Variants in HDX observed in about 807,000 individuals in gnomAD.
HDX encodes the protein highly divergent homeobox, also known as chromosome X open reading frame 43.
In HDX, 19 loss-of-function variants were observed where a neutral mutation model predicts 45.2. That is an observed-to-expected ratio of 0.42 (90% CI 0.29 to 0.62). The LOEUF is 0.62. HDX is among the 20% of genes least tolerant of loss of function. The pLI is 0.20. For synonymous variants in HDX, 188 were observed against 172.8 expected, an observed-to-expected ratio of 1.09 and a Z score of -0.69; for missense variants, 532 against 493.9, an observed-to-expected ratio of 1.08 and a Z score of -0.73.
intron 7 of HDX, 115 bp from the exon 8 acceptor site, chrX:84,336,995 C>T (rs2036978743): frequency 4.1e-6 from 2 of 487,151 alleles, no homozygotes; most frequent in Non-Finnish European, 6.7e-6. Context: ...ATGGCAAATT[C>T]ATTTCACACG....
intron 5 of HDX, among the ~76,000 whole-genome samples, chrX:84,423,403 A>T (rs1475745403): frequency 4.6e-5 from 5 of 109,380 alleles, no homozygotes; most frequent in African/African-American, 1.7e-4. Context: ...CTATTCCAAG[A>T]AATACAGAAA....
intron 6 of HDX, among the ~76,000 whole-genome samples, chrX:84,350,160 T>G (rs2037307622): frequency 8.9e-6 from 1 of 111,972 alleles, no homozygotes; most frequent in South Asian, 3.7e-4. Flanking sequence ...ATCTTTCTGT[T>G]ATTGATTTCT....
intron 5 of HDX, among the ~76,000 whole-genome samples, chrX:84,385,717 C>T (rs1448068357): frequency 9.1e-6 from 1 of 110,374 alleles, no homozygotes. Context: ...ATCCTGAAAC[C>T]TTACTAAAAT....
chrX:84,363,247 CATTG>C (rs1312607383), intron 5 of HDX, among the ~76,000 whole-genome samples: 9 of 112,003 alleles, frequency 8.0e-5, no homozygotes, highest in Non-Finnish European at 1.7e-4. Flanking sequence ...GTTCAGCCAA[CATTG>C]ATTGCACAAT....
At chrX:84,493,803 G>C (rs1240333188) in intron 1 of HDX, among the ~76,000 whole-genome samples, 3 of 110,432 alleles carry the variant, frequency 2.7e-5, no homozygotes, top group African/African-American at 9.9e-5. Flanking sequence ...AGCACAACAG[G>C]GTGACTATAG....
At chrX:84,500,591 G>C (rs1299710738) in intron 1 of HDX, among the ~76,000 whole-genome samples, 2 of 111,273 alleles carry the variant, frequency 1.8e-5, no homozygotes, top group African/African-American at 6.5e-5. Flanking sequence ...ACTTGCATTA[G>C]ATTAATTTGG....
At chrX:84,488,749 A>G (rs1222404978) in intron 1 of HDX, among the ~76,000 whole-genome samples, 2 of 111,351 alleles carry the variant, frequency 1.8e-5, no homozygotes, top group African/African-American at 6.5e-5. Context: ...TACCTTATTC[A>G]CTCTCTTGAG....
At chrX:84,366,944 G>A (rs2037771225) in intron 5 of HDX, among the ~76,000 whole-genome samples, 1 of 111,900 alleles carries the variant, frequency 8.9e-6, no homozygotes, top group Admixed American at 9.5e-5. Flanking sequence ...CATGGGCAAA[G>A]ACTTCATGAC....
intron 4 of HDX, among the ~76,000 whole-genome samples, chrX:84,463,246 T>C (rs911586120): frequency 1.8e-5 from 2 of 111,550 alleles, no homozygotes; most frequent in Non-Finnish European, 1.9e-5. Flanking sequence ...CAATTACTTT[T>C]TTAAAAACTT....
intron 6 of HDX, among the ~76,000 whole-genome samples, chrX:84,350,198 T>C (rs1191662838): frequency 1.8e-5 from 2 of 111,663 alleles, no homozygotes; most frequent in Non-Finnish European, 3.8e-5. Flanking sequence ...GTCAGGAACA[T>C]ATTCTGTATG....
At chrX:84,490,802 T>C (rs2040878989) in intron 1 of HDX, among the ~76,000 whole-genome samples, 1 of 111,475 alleles carries the variant, frequency 9.0e-6, no homozygotes, top group Non-Finnish European at 1.9e-5. Flanking sequence ...ATATTGCTTT[T>C]TTTATATATA....
intron 9 of HDX, among the ~76,000 whole-genome samples, chrX:84,328,642 A>C (rs747863299): frequency 8.1e-5 from 9 of 111,509 alleles, no homozygotes; most frequent in African/African-American, 2.9e-4. Context: ...TTTGTTCTTA[A>C]AGAAATACAG....
chrX:84,493,739 A>G (rs1373647769), intron 1 of HDX, among the ~76,000 whole-genome samples: 1 of 112,085 alleles, frequency 8.9e-6, no homozygotes, highest in Non-Finnish European at 1.9e-5. Flanking sequence ...CTAAAACTAT[A>G]AATACCTAAT....
chrX:84,443,510 T>C (rs2039805541), intron 4 of HDX, among the ~76,000 whole-genome samples: 1 of 111,817 alleles, frequency 8.9e-6, no homozygotes, highest in African/African-American at 3.2e-5. Flanking sequence ...TGGAGTGTTA[T>C]AAACTCATTA....
chrX:84,362,402 T>C (rs1017500771), intron 5 of HDX, among the ~76,000 whole-genome samples: 3 of 111,479 alleles, frequency 2.7e-5, no homozygotes, highest in African/African-American at 3.3e-5. Flanking sequence ...AGAGAGTCCA[T>C]GGCAGAGCTA....
chrX:84,362,183 T>C (rs1446636848), intron 5 of HDX, among the ~76,000 whole-genome samples: 1 of 111,582 alleles, frequency 9.0e-6, no homozygotes, highest in Non-Finnish European at 1.9e-5. Context: ...AAATCATATT[T>C]ATGGCCTCGT....
chrX:84,436,337 G>A (rs1041773759), intron 5 of HDX, among the ~76,000 whole-genome samples: 7 of 104,877 alleles, frequency 6.7e-5, no homozygotes, highest in African/African-American at 1.7e-4. Flanking sequence ...TAGATGACGC[G>A]TTAATGGGTG....
intron 4 of HDX, among the ~76,000 whole-genome samples, chrX:84,468,250 T>A (rs1461305369): frequency 3.6e-5 from 4 of 111,721 alleles, no homozygotes; most frequent in Non-Finnish European, 5.6e-5. Context: ...AGGGAAAGAC[T>A]GCCATGTTAT....
At chrX:84,348,986 G>C (rs757584700) in intron 6 of HDX, among the ~76,000 whole-genome samples, 3 of 111,596 alleles carry the variant, frequency 2.7e-5, no homozygotes, top group Non-Finnish European at 5.7e-5. Flanking sequence ...GTGAGAATCT[G>C]ATACAGCCTC....
Sources: allele counts gnomAD v4.1 joint callset (sites outside exome capture counted in the v4.1 genomes callset), GRCh38; gene constraint gnomAD v4.1.1; transcripts MANE v1.5; gene names NCBI Gene and HGNC (gene_info 2026-07-23, HGNC 2026-07-21).